Variants in IFT80 observed in about 807,000 individuals in gnomAD.
IFT80 encodes intraflagellar transport protein 80 homolog.
IFT80 carries 79 observed loss-of-function variants against 107.9 expected under a neutral mutation model. The ratio of observed to expected loss-of-function variants is 0.73; its 90% confidence interval spans 0.61 to 0.88. IFT80 has a LOEUF of 0.88. Among genes scored for constraint, IFT80 ranks in the 40% least tolerant of loss-of-function variants. The pLI is 0.00. For synonymous variants in IFT80, 299 were observed against 300.9 expected, an observed-to-expected ratio of 0.99 and a Z score of 0.07; for missense variants, 797 against 914.2, an observed-to-expected ratio of 0.87 and a Z score of 1.65.
chr3:160,328,251 C>G (rs1718819185), intron 8 of IFT80, among the ~76,000 whole-genome samples: 1 of 151,986 alleles, frequency 6.6e-6, no homozygotes, highest in Non-Finnish European at 1.5e-5. Flanking sequence ...CACTTGAGGT[C>G]AGGAGTTCAA....
chr3:160,311,055 G>A (rs2108282235), intron 9 of IFT80, among the ~76,000 whole-genome samples: 1 of 152,236 alleles, frequency 6.6e-6, no homozygotes, highest in East Asian at 1.9e-4. Context: ...AGCTTGGGAG[G>A]TCAAGACTAC....
chr3:160,327,861 T>G (rs978167807), intron 8 of IFT80, among the ~76,000 whole-genome samples: 1 of 152,120 alleles, frequency 6.6e-6, no homozygotes, highest in African/African-American at 2.4e-5. Flanking sequence ...ACTAAAGAAC[T>G]TCTGCATAGC....
intron 12 of IFT80, among the ~76,000 whole-genome samples, 180 bp downstream of exon 12, chr3:160,300,703 T>C (rs575012954): frequency 2.0e-4 from 31 of 152,130 alleles, no homozygotes; most frequent in African/African-American, 7.5e-4. Context: ...TAACTGGATA[T>C]AGTATGACAA....
At chr3:160,309,608 C>A (rs535743359) in intron 9 of IFT80, among the ~76,000 whole-genome samples, 1 of 152,012 alleles carries the variant, frequency 6.6e-6, no homozygotes, top group East Asian at 1.9e-4. Context: ...AATGGCATGA[C>A]CCCGGGAGGT....
intron 12 of IFT80, chr3:160,299,256 G>A (rs1304852988): frequency 2.6e-6 from 3 of 1,158,378 alleles, no homozygotes; most frequent in South Asian, 3.6e-5. Flanking sequence ...ATTACCAAAA[G>A]TCTTCTCTCA....
rs115821539 is a variant in IFT80, at chr3:160,345,400, T to C, written c.777+10613A>G. 7.6e-3 allele frequency among the ~76,000 whole-genome samples: 1,161 copies of C among 152,104 alleles called. 20 individuals are homozygous for C. The highest frequency in any genetic ancestry group is 0.027 in the African/African-American group (1,112 of 41,510). ...TTAAAAATCAAAACAATTGAACTCA[T>C]GGAGATAGAGAGTAGAAGGATGATG... On this transcript the variant is annotated intron_variant, in intron 8 of 19. Coordinates refer to ENST00000326448, the MANE Select transcript of IFT80 (RefSeq NM_020800.3).
At chr3:160,292,019 T>C (rs1054339746) in intron 12 of IFT80, among the ~76,000 whole-genome samples, 8 of 152,142 alleles carry the variant, frequency 5.3e-5, no homozygotes, top group Non-Finnish European at 1.0e-4. Flanking sequence ...TGTCTGCCCA[T>C]GACAGACTGC....
chr3:160,261,398 A>C (rs1459475967), intron 19 of IFT80, among the ~76,000 whole-genome samples: 1 of 151,332 alleles, frequency 6.6e-6, no homozygotes, highest in Non-Finnish European at 1.5e-5. Context: ...GTCTTCATAG[A>C]GAGATAATAA....
intron 8 of IFT80, among the ~76,000 whole-genome samples, chr3:160,350,583 G>A (rs576893752): frequency 1.3e-3 from 193 of 152,244 alleles, no homozygotes; most frequent in Middle Eastern, 6.8e-3. Flanking sequence ...TCGGGAGGCC[G>A]AGGCAGGTGG....
intron 8 of IFT80, among the ~76,000 whole-genome samples, chr3:160,349,882 C>A (rs974569691): frequency 3.3e-5 from 5 of 152,114 alleles, no homozygotes; most frequent in African/African-American, 1.2e-4. Context: ...TATCTACTTA[C>A]TTGGTAAGAA....
chr3:160,282,964 TTTGA>T (rs1478606190), intron 13 of IFT80, among the ~76,000 whole-genome samples: 2 of 152,184 alleles, frequency 1.3e-5, no homozygotes, highest in Non-Finnish European at 2.9e-5. Flanking sequence ...AGAGGTCTAT[TTTGA>T]TTAATAAGTT....
At position 160,354,179 on chromosome 3, in the gene IFT80, G is replaced by A. The variant is rs1048299585; in HGVS notation, c.777+1834C>T. 2.6e-5 allele frequency among the ~76,000 whole-genome samples: 4 copies of A among 152,130 alleles called. No individual in the cohort carries two copies. The East Asian group carries it at 7.7e-4, about 29-fold the overall frequency. ...CTATAGATTTAGAATCATTGATAGG[G>A]AAAATCAGAGGTAAAAGCTCCTTAA... On this transcript the variant is annotated intron_variant, in intron 8 of 19. Coordinates refer to ENST00000326448, the MANE Select transcript of IFT80 (RefSeq NM_020800.3).
At chr3:160,393,802 A>G (rs1435680079) in intron 1 of IFT80, among the ~76,000 whole-genome samples, 1 of 152,240 alleles carries the variant, frequency 6.6e-6, no homozygotes, top group Non-Finnish European at 1.5e-5. Flanking sequence ...CCTATAGATA[A>G]GAAGTGGCAG....
intron 9 of IFT80, among the ~76,000 whole-genome samples, chr3:160,319,552 A>G (rs1488684847): frequency 6.6e-6 from 1 of 151,970 alleles, no homozygotes; most frequent in Non-Finnish European, 1.5e-5. Context: ...TAAATGCATA[A>G]CTGAAGTAGC....
At chr3:160,388,485 C>T (rs1233407948) in intron 1 of IFT80, among the ~76,000 whole-genome samples, 2 of 151,200 alleles carry the variant, frequency 1.3e-5, no homozygotes, top group Non-Finnish European at 2.9e-5. Context: ...AAGGAAAATA[C>T]ATCATGACCG....
chr3:160,383,940 T>G, intron 2 of IFT80: 1 of 985,434 alleles, frequency 1.0e-6, no homozygotes, highest in Non-Finnish European at 1.2e-6. Flanking sequence ...AGAAACAGTT[T>G]GGTTTAAAAA....
chr3:160,301,295 T>A (rs1716406645), intron 11 of IFT80, among the ~76,000 whole-genome samples: 1 of 152,104 alleles, frequency 6.6e-6, no homozygotes, highest in East Asian at 1.9e-4. Flanking sequence ...ATCACCACCC[T>A]ATACACTAAA....
chr3:160,365,002 T>TA (rs140553498), intron 6 of IFT80, among the ~76,000 whole-genome samples: 31,621 of 141,418 alleles, frequency 0.22, 3,603 homozygotes, highest in Non-Finnish European at 0.26. Context: ...AAAGTATAAT[T>TA]AAAAAAAAAA....
At chr3:160,312,114 C>T (rs1717311579) in intron 9 of IFT80, among the ~76,000 whole-genome samples, 1 of 152,086 alleles carries the variant, frequency 6.6e-6, no homozygotes, top group Admixed American at 6.6e-5. Flanking sequence ...AACAAGAATG[C>T]TCTTAGTGAA....
Sources: gnomAD v4.1 joint callset for allele counts (sites outside exome capture counted in the v4.1 genomes callset) on GRCh38, gnomAD v4.1.1 for gene constraint, MANE v1.5 for transcripts, NCBI Gene and HGNC (gene_info 2026-07-23, HGNC 2026-07-21) for gene names.